The following KLHL29 variants were observed in gnomAD, a reference collection of about 807,000 sequenced individuals.
KLHL29 encodes kelch-like protein 29.
Under a neutral mutation model 80.4 loss-of-function variants are expected in KLHL29, and 21 were observed. The observed-to-expected ratio is 0.26, with a 90% CI of 0.19 to 0.38. The LOEUF is 0.38. Among genes scored for constraint, KLHL29 ranks in the 10% least tolerant of loss-of-function variants. KLHL29 has a pLI of 1.00. For missense variants in KLHL29, 867 were observed against 1,223.9 expected, an observed-to-expected ratio of 0.71 and a Z score of 4.35; for synonymous variants, 511 against 526.8, an observed-to-expected ratio of 0.97 and a Z score of 0.41.
chr2:23,416,627 A>G (rs542455669), intron 1 of KLHL29, among the ~76,000 whole-genome samples: 4 of 152,242 alleles, frequency 2.6e-5, no homozygotes, highest in African/African-American at 9.6e-5. Context: ...CAATAGATCC[A>G]TTGTCTATGA....
chr2:23,417,724 G>A (rs1662621471), intron 1 of KLHL29, among the ~76,000 whole-genome samples: 1 of 152,086 alleles, frequency 6.6e-6, no homozygotes, highest in Non-Finnish European at 1.5e-5. Flanking sequence ...ACTTTTCTCT[G>A]CTCTTTTCCT....
At chr2:23,692,645 T>A (rs1671693735) in intron 7 of KLHL29, among the ~76,000 whole-genome samples, 1 of 151,808 alleles carries the variant, frequency 6.6e-6, no homozygotes, top group Admixed American at 6.6e-5. Flanking sequence ...CACGCCTAGG[T>A]TGGAAGAACC....
At chr2:23,488,655 A>G (rs972262006) in intron 2 of KLHL29, among the ~76,000 whole-genome samples, 20 of 152,224 alleles carry the variant, frequency 1.3e-4, no homozygotes, top group Admixed American at 9.2e-4. Flanking sequence ...ACTTAAAAGG[A>G]CACATTAAGA....
chr2:23,679,490 T>C (rs7578606), intron 5 of KLHL29, among the ~76,000 whole-genome samples: 15,115 of 152,132 alleles, frequency 0.099, 862 homozygotes, highest in Middle Eastern at 0.17. Context: ...ACAGGGTCAC[T>C]TCCACCACAT....
intron 3 of KLHL29, among the ~76,000 whole-genome samples, chr2:23,630,902 G>A (rs988573816): frequency 7.9e-5 from 12 of 152,254 alleles, no homozygotes; most frequent in Admixed American, 2.0e-4. Flanking sequence ...CTGGAGTGGA[G>A]GAGGCTGTTA....
chr2:23,606,016 A>G (rs1473634159), intron 3 of KLHL29, among the ~76,000 whole-genome samples: 1 of 151,906 alleles, frequency 6.6e-6, no homozygotes, highest in Non-Finnish European at 1.5e-5. Flanking sequence ...TGATCTGCCC[A>G]CCTCAGCCTC....
At chr2:23,650,999 T>G (rs545954416) in intron 5 of KLHL29, among the ~76,000 whole-genome samples, 1 of 149,378 alleles carries the variant, frequency 6.7e-6, no homozygotes, top group South Asian at 2.1e-4. Flanking sequence ...CAATGAGAAA[T>G]GATCTGGTTG....
chr2:23,587,490 G>A (rs1329095330), intron 3 of KLHL29, among the ~76,000 whole-genome samples: 2 of 152,026 alleles, frequency 1.3e-5, no homozygotes, highest in Admixed American at 6.6e-5. Flanking sequence ...AGCCTCCCCC[G>A]GGCTACCCGA....
At chr2:23,620,924 A>C (rs1479662228) in intron 3 of KLHL29, among the ~76,000 whole-genome samples, 3 of 152,244 alleles carry the variant, frequency 2.0e-5, no homozygotes, top group African/African-American at 7.2e-5. Context: ...CACTCTGACC[A>C]GTGCATTCTA....
At chr2:23,390,037 A>G (rs1405171470) in intron 1 of KLHL29, among the ~76,000 whole-genome samples, 2 of 152,212 alleles carry the variant, frequency 1.3e-5, no homozygotes, top group African/African-American at 4.8e-5. Flanking sequence ...ACCACCCTGA[A>G]AGCAAACTCT....
Position 23,708,398 on chromosome 2 carries a change from C to T in KLHL29, c.*1734C>T, listed in dbSNP as rs1427177514. 4 of 152,126 alleles carry T rather than the reference C, an allele frequency of 2.6e-5. No individual in the cohort carries two copies. Among genetic ancestry groups the T allele is most frequent in the Non-Finnish European group, 4.4e-5 (3 of 68,028 alleles). 9.4% of individuals were successfully genotyped at this position (152,126 alleles called of 1,614,324 possible). A position where few individuals can be genotyped will look rare whatever the true frequency, so the allele number is the denominator to read the frequency against. ...CAGGGCTAATGTTAGCATTGGTGTG[C>T]GTCTGCCTCCAAAGGAGGTTCTAGT... On this transcript the variant is annotated 3_prime_UTR_variant, in exon 14 of 14. Coordinates refer to ENST00000486442, the MANE Select transcript of KLHL29 (RefSeq NM_052920.2).
chr2:23,674,038 C>T (rs1028966989), intron 5 of KLHL29, among the ~76,000 whole-genome samples: 3 of 152,206 alleles, frequency 2.0e-5, no homozygotes, highest in Non-Finnish European at 2.9e-5. Flanking sequence ...CGCTCCTGCT[C>T]ACCTTTTGAG....
At chr2:23,663,313 G>A (rs937999035) in intron 5 of KLHL29, among the ~76,000 whole-genome samples, 7 of 152,184 alleles carry the variant, frequency 4.6e-5, no homozygotes, top group Admixed American at 3.3e-4. Context: ...TCCCCTCCTC[G>A]CCTGCCTTAC....
chr2:23,604,174 CAG>C (rs1206095537), intron 3 of KLHL29, among the ~76,000 whole-genome samples: 1 of 151,460 alleles, frequency 6.6e-6, no homozygotes, highest in Non-Finnish European at 1.5e-5. Context: ...TTTTTTGAGA[CAG>C]AGTCTCACTC....
chr2:23,597,345 G>GTGTGTGTGTGTA (rs1668440103), intron 3 of KLHL29, among the ~76,000 whole-genome samples: 1 of 125,116 alleles, frequency 8.0e-6, no homozygotes, highest in Admixed American at 8.5e-5. Flanking sequence ...GTGTGTGTGT[G>GTGTGTGTGTGTA]TATGTATATG....
chr2:23,687,175 G>A (rs572624010), intron 6 of KLHL29, among the ~76,000 whole-genome samples: 28 of 152,294 alleles, frequency 1.8e-4, no homozygotes, highest in African/African-American at 6.7e-4. Flanking sequence ...CTCTTGTAAG[G>A]GGAGGGAGTA....
chr2:23,474,391 G>A (rs1000451733), intron 1 of KLHL29, among the ~76,000 whole-genome samples: 56 of 152,282 alleles, frequency 3.7e-4, no homozygotes, highest in Middle Eastern at 6.8e-3. Flanking sequence ...CACCAGTATT[G>A]CCAATACCTT....
chr2:23,454,151 C>G (rs924216931), intron 1 of KLHL29, among the ~76,000 whole-genome samples: 39 of 152,198 alleles, frequency 2.6e-4, no homozygotes, highest in Admixed American at 2.0e-3. Context: ...TTGAAATACA[C>G]ATTCGATTGA....
chr2:23,646,257 A>C (rs1236672391), intron 5 of KLHL29, among the ~76,000 whole-genome samples: 2 of 152,194 alleles, frequency 1.3e-5, no homozygotes, highest in Admixed American at 1.3e-4. Flanking sequence ...AGTCAGTGTT[A>C]CTACCCCAGG....
Sources: allele counts gnomAD v4.1 joint callset (sites outside exome capture counted in the v4.1 genomes callset), GRCh38; gene constraint gnomAD v4.1.1; transcripts MANE v1.5; gene names NCBI Gene and HGNC (gene_info 2026-07-23, HGNC 2026-07-21).